The following PRH1 variants were observed in gnomAD, a reference collection of about 807,000 sequenced individuals.
PRH1 encodes salivary acidic proline-rich phosphoprotein 1/2.
A neutral mutation model predicts 7.9 loss-of-function variants in PRH1; 7 were observed. The ratio of observed to expected loss-of-function variants is 0.89; its 90% confidence interval spans 0.50 to 1.67. PRH1 has a LOEUF of 1.67. PRH1 is among the 40% of genes most tolerant of loss of function. The pLI, the probability that PRH1 is intolerant of heterozygous loss-of-function variation, is 0.00. For missense variants in PRH1, 109 were observed against 223.6 expected, an observed-to-expected ratio of 0.49 and a Z score of 3.27; for synonymous variants, 45 against 80.8, an observed-to-expected ratio of 0.56 and a Z score of 2.38.
At chr12:11,164,658 T>C (rs1226834769) in intron 1 of PRH1, among the ~76,000 whole-genome samples, 2 of 152,166 alleles carry the variant, frequency 1.3e-5, no homozygotes, top group East Asian at 1.9e-4. Context: ...AATGTTTGTA[T>C]AGTGTCTAAC....
intron 2 of PRH1, chr12:10,937,755 A>G (rs967512315): frequency 3.9e-5 from 6 of 152,350 alleles, no homozygotes; most frequent in African/African-American, 1.4e-4. Context: ...GTAGTTTAGT[A>G]AGGCAGCTGG....
At chr12:10,928,686 C>G (rs1430700196) in intron 2 of PRH1, among the ~76,000 whole-genome samples, 1 of 152,228 alleles carries the variant, frequency 6.6e-6, no homozygotes, top group Non-Finnish European at 1.5e-5. Context: ...GTGTACCCAG[C>G]AGTGTGCTGT....
chr12:10,937,147 T>A (rs1950301160), intron 2 of PRH1, among the ~76,000 whole-genome samples: 1 of 152,064 alleles, frequency 6.6e-6, no homozygotes, highest in Non-Finnish European at 1.5e-5. Flanking sequence ...AGATTACCTC[T>A]CACTACCTTG....
At chr12:11,082,290 T>C (rs1429668218) in intron 1 of PRH1, among the ~76,000 whole-genome samples, 1 of 115,174 alleles carries the variant, frequency 8.7e-6, no homozygotes, top group Admixed American at 8.8e-5. Context: ...AACACTATTA[T>C]TCTTCCTCAT....
chr12:11,125,110 T>G (rs934619322), intron 1 of PRH1, among the ~76,000 whole-genome samples: 4 of 152,250 alleles, frequency 2.6e-5, no homozygotes, highest in Admixed American at 1.3e-4. Context: ...CCCAGAGTGC[T>G]GGGATTACAG....
intron 1 of PRH1, among the ~76,000 whole-genome samples, chr12:11,160,316 A>G (rs1282657719): frequency 1.3e-5 from 2 of 152,226 alleles, no homozygotes; most frequent in Non-Finnish European, 2.9e-5. Context: ...CTATTAATAT[A>G]AATAATTTGT....
rs1945107441 is a variant in PRH1 at position 11,097,829 on chromosome 12, G to C, written n.124-50641C>G. Among the ~76,000 whole-genome samples the C allele has an allele frequency of 3.6e-5, 4 of 112,638 alleles. 2 individuals are homozygous for C. Among genetic ancestry groups the C allele is most frequent in the African/African-American group, 1.2e-4 (4 of 33,980 alleles). The allele number at this position is 112,638 out of a possible 152,430, so 73.9% of individuals were successfully genotyped here. A position where few individuals can be genotyped will look rare whatever the true frequency, so the allele number is the denominator to read the frequency against. On this transcript the variant is annotated intron_variant and non_coding_transcript_variant, in intron 1 of 4. Transcript: ENST00000541977. ...TTGTTTCTAAGTACTGGAGCTCAGCGTGATGAGAGAACACTATTATTCTTC... is the reference window on the plus strand; with the variant it reads ...TTGTTTCTAAGTACTGGAGCTCAGCCTGATGAGAGAACACTATTATTCTTC...
intron 2 of PRH1, among the ~76,000 whole-genome samples, chr12:10,948,610 C>T (rs984280510): frequency 1.3e-5 from 2 of 152,128 alleles, no homozygotes; most frequent in South Asian, 4.1e-4. Flanking sequence ...CTGCCATATA[C>T]TGTATTCTGT....
At chr12:10,977,663 A>T (rs1482280778) in intron 1 of PRH1, among the ~76,000 whole-genome samples, 1 of 152,174 alleles carries the variant, frequency 6.6e-6, no homozygotes, top group African/African-American at 2.4e-5. Context: ...AAATCCCAAC[A>T]GTATTTGCCC....
At chr12:10,929,142 C>T in intron 2 of PRH1, 2 of 1,079,228 alleles carry the variant, frequency 1.9e-6, no homozygotes, top group Admixed American at 4.0e-5. Flanking sequence ...CAAAGCAGAA[C>T]CCAGTCTCTG....
chr12:11,111,977 A>C (rs1168685590), intron 1 of PRH1, among the ~76,000 whole-genome samples: 2 of 152,170 alleles, frequency 1.3e-5, no homozygotes, highest in Non-Finnish European at 2.9e-5. Flanking sequence ...AGATATTACC[A>C]CTGACTTCAG....
intron 1 of PRH1, among the ~76,000 whole-genome samples, chr12:11,150,148 A>C (rs1335633150): frequency 1.3e-5 from 2 of 151,888 alleles, no homozygotes; most frequent in African/African-American, 4.8e-5. Flanking sequence ...TAGAATGGCA[A>C]TCACTAAAAA....
intron 2 of PRH1, among the ~76,000 whole-genome samples, chr12:10,941,361 C>T (rs1041064819): frequency 6.6e-6 from 1 of 152,074 alleles, no homozygotes; most frequent in Non-Finnish European, 1.5e-5. Context: ...ATAATAATTC[C>T]CACACACTAC....
chr12:11,065,684 A>T (rs1943777970), intron 1 of PRH1, among the ~76,000 whole-genome samples: 1 of 152,082 alleles, frequency 6.6e-6, no homozygotes, highest in African/African-American at 2.4e-5. Flanking sequence ...GAAACTAAAC[A>T]AAGTATTTAT....
intron 1 of PRH1, among the ~76,000 whole-genome samples, chr12:11,013,548 T>G (rs1275928062): frequency 2.6e-5 from 4 of 152,160 alleles, no homozygotes; most frequent in Non-Finnish European, 5.9e-5. Flanking sequence ...ACAAGTGGGT[T>G]AATCAACCAT....
In PRH1 at chr12:10,986,408, C is replaced by T. The variant is rs537572710; in HGVS notation, c.-125-12687G>A. ...CTTCATATTCTTCTGCCCACATACT[C>T]TCATCCATGTTTGCCACAAGAAGAT... On this transcript the variant is annotated intron_variant, in intron 1 of 3. Transcript: ENST00000539853. 42 of 1,614,050 alleles carry T rather than the reference C, an allele frequency of 2.6e-5. No homozygotes were observed. In the South Asian group the frequency reaches 4.6e-4, roughly 18 times the overall value.
intron 1 of PRH1, among the ~76,000 whole-genome samples, chr12:11,069,601 T>A (rs78931720): frequency 6.6e-6 from 1 of 151,806 alleles, no homozygotes; most frequent in Admixed American, 6.6e-5. Flanking sequence ...AGACTAACCT[T>A]GGCAACATAG....
chr12:10,884,150 T>A lies in PRH1; in HGVS notation c.64+4A>T. The stretch of plus-strand genomic sequence containing the variant: ...TCACAATATCTTCCCCCAATTCATC[T>A]TACCTTCATTTAAATCCTGAGCTGA... On this transcript the variant is annotated splice_donor_region_variant and intron_variant, in intron 1 of 3. Coordinates refer to ENST00000543626, the MANE Select transcript of PRH1 (RefSeq NM_001393989.1). The A allele has an allele frequency of 1.9e-6, 3 of 1,614,208 alleles. No homozygotes were observed. Among genetic ancestry groups the A allele is most frequent in the Non-Finnish European group, 2.5e-6 (3 of 1,180,030 alleles).
intron 1 of PRH1, among the ~76,000 whole-genome samples, chr12:11,037,549 A>T (rs1187417595): frequency 1.3e-4 from 20 of 152,240 alleles, no homozygotes; most frequent in Non-Finnish European, 8.8e-5. Context: ...TATTTAATTT[A>T]ATATCCATCG....
Sources: gnomAD v4.1 joint callset for allele counts (sites outside exome capture counted in the v4.1 genomes callset) on GRCh38, gnomAD v4.1.1 for gene constraint, MANE v1.5 for transcripts, NCBI Gene and HGNC (gene_info 2026-07-23, HGNC 2026-07-21) for gene names.